Variants in GABRB1 observed in about 807,000 individuals in gnomAD.
The protein encoded by GABRB1 is gamma-aminobutyric acid receptor subunit beta-1.
Under a neutral mutation model 51.6 loss-of-function variants are expected in GABRB1, and 17 were observed. The observed-to-expected ratio is 0.33, with a 90% CI of 0.23 to 0.49. The LOEUF is 0.49. Among genes scored for constraint, GABRB1 ranks in the 20% least tolerant of loss-of-function variants. The probability of loss-of-function intolerance (pLI) is 0.99; values close to 1 mark genes in which losing one functional copy is unlikely to be tolerated. For missense variants in GABRB1, 410 were observed against 600.6 expected (o/e 0.68, Z 3.32); for synonymous variants, 247 against 218.9 (o/e 1.13, Z -1.14).
At chr4:47,223,737 T>C (rs971998381) in intron 4 of GABRB1, among the ~76,000 whole-genome samples, 2 of 152,088 alleles carry the variant, frequency 1.3e-5, no homozygotes, top group African/African-American at 2.4e-5. Context: ...ATGATTTTCC[T>C]GTTTAAAAAT....
intron 4 of GABRB1, among the ~76,000 whole-genome samples, chr4:47,238,727 T>C (rs1052869616): frequency 6.6e-6 from 1 of 152,078 alleles, no homozygotes; most frequent in Non-Finnish European, 1.5e-5. Flanking sequence ...AATACTTAAG[T>C]AAAAAAAATT....
At chr4:47,089,258 G>A (rs1728200515) in intron 3 of GABRB1, among the ~76,000 whole-genome samples, 1 of 152,122 alleles carries the variant, frequency 6.6e-6, no homozygotes. Context: ...TTACTACCGA[G>A]GGTGAGTTCA....
intron 3 of GABRB1, among the ~76,000 whole-genome samples, chr4:47,115,059 A>G (rs562021827): frequency 7.9e-5 from 12 of 152,284 alleles, no homozygotes; most frequent in Admixed American, 4.6e-4. Context: ...TTTTTCTACT[A>G]TGTAACTCTA....
intron 3 of GABRB1, among the ~76,000 whole-genome samples, chr4:47,060,801 C>A (rs1726817590): frequency 6.6e-6 from 1 of 152,102 alleles, no homozygotes; most frequent in African/African-American, 2.4e-5. Flanking sequence ...AGAAAGATGG[C>A]ACTTTAAGAT....
Position 47,202,232 on chromosome 4 carries a change from G to A in GABRB1, c.461+40763G>A, listed in dbSNP as rs563716054. On this transcript the variant is annotated intron_variant, in intron 4 of 8. Coordinates refer to ENST00000295454, the MANE Select transcript of GABRB1 (RefSeq NM_000812.4). Reference sequence around the variant, plus strand: ...CTGATGGTATTATAAGGAGCTCTTCGCCCTCTGCTCAGCGCTTCTCCATCC... The same window carrying A: ...CTGATGGTATTATAAGGAGCTCTTCACCCTCTGCTCAGCGCTTCTCCATCC... Among the ~76,000 whole-genome samples, 6 of 152,218 alleles carry A rather than the reference G, an allele frequency of 3.9e-5. No homozygotes were observed. The South Asian group carries it at 1.2e-3, about 32-fold the overall frequency.
rs189687294 is a variant in GABRB1, at chr4:47,100,793, A to T, written c.241-60456A>T. On this transcript the variant is annotated intron_variant, in intron 3 of 8. Transcript: ENST00000295454. ...ACCCGTGAGAGGTCAACTCTACCCA[A>T]ATATGAGTATCAAAGAAGGAACCAT... Among the ~76,000 whole-genome samples, 742 of 152,136 alleles carry T rather than the reference A, an allele frequency of 4.9e-3. 4 individuals are homozygous for T. Among genetic ancestry groups the T allele is most frequent in the Non-Finnish European group, 7.9e-3 (536 of 67,946 alleles).
At chr4:47,202,039 G>T (rs886997786) in intron 4 of GABRB1, among the ~76,000 whole-genome samples, 5 of 152,100 alleles carry the variant, frequency 3.3e-5, no homozygotes, top group Non-Finnish European at 5.9e-5. Flanking sequence ...CTTAAAACTA[G>T]GTTGTTGATG....
At chr4:47,399,504 C>T (rs971109601) in intron 5 of GABRB1, among the ~76,000 whole-genome samples, 16 of 151,082 alleles carry the variant, frequency 1.1e-4, no homozygotes, top group Admixed American at 6.6e-5. Flanking sequence ...AGAAAATTAC[C>T]CATTTCATCC....
At chr4:47,136,282 TG>T (rs1240681495) in intron 3 of GABRB1, among the ~76,000 whole-genome samples, 1 of 152,034 alleles carries the variant, frequency 6.6e-6, no homozygotes, top group East Asian at 1.9e-4. Context: ...ATAGCGGCCT[TG>T]AATACCACTT....
At chr4:47,230,176 C>G (rs527848226) in intron 4 of GABRB1, among the ~76,000 whole-genome samples, 1 of 151,990 alleles carries the variant, frequency 6.6e-6, no homozygotes, top group African/African-American at 2.4e-5. Flanking sequence ...AGCTTTGAGG[C>G]TAGGTAAAAG....
At chr4:47,022,769 A>G (rs1218076432) in intron 1 of GABRB1, among the ~76,000 whole-genome samples, 4 of 152,168 alleles carry the variant, frequency 2.6e-5, no homozygotes, top group Middle Eastern at 3.4e-3. Flanking sequence ...ATTGAGCTCA[A>G]TTCCTCAAAC....
chr4:47,128,180 T>C (rs1388256002), intron 3 of GABRB1, among the ~76,000 whole-genome samples: 1 of 151,820 alleles, frequency 6.6e-6, no homozygotes, highest in African/African-American at 2.4e-5. Flanking sequence ...GTTGAGGTAG[T>C]TATATCTTGG....
At chr4:47,214,447 C>T (rs1442145222) in intron 4 of GABRB1, among the ~76,000 whole-genome samples, 1 of 152,074 alleles carries the variant, frequency 6.6e-6, no homozygotes, top group Non-Finnish European at 1.5e-5. Flanking sequence ...TCTCTGTATC[C>T]TAGTCATGAT....
At chr4:47,422,303 CT>C (rs1729114510) in intron 8 of GABRB1, among the ~76,000 whole-genome samples, 1 of 152,148 alleles carries the variant, frequency 6.6e-6, no homozygotes, top group Non-Finnish European at 1.5e-5. Flanking sequence ...TCTCTTCCAG[CT>C]TCACTTGACA....
At position 47,287,930 on chromosome 4, in the gene GABRB1, G is replaced by A. The variant is rs531503992; in HGVS notation, c.462-32197G>A. On this transcript the variant is annotated intron_variant, in intron 4 of 8. Transcript: ENST00000295454. The stretch of plus-strand genomic sequence containing the variant: ...CAACCTTGTAAATGAGCTTGAGTAT[G>A]ACTCATCACTCAGTGGAGCTTTCAG... Among the ~76,000 whole-genome samples the A allele has an allele frequency of 7.9e-5, 12 of 152,300 alleles. No individual in the cohort carries two copies. The South Asian group carries it at 2.5e-3, about 32-fold the overall frequency.
At chr4:47,096,769 GA>G (rs746259844) in intron 3 of GABRB1, among the ~76,000 whole-genome samples, 2 of 152,180 alleles carry the variant, frequency 1.3e-5, no homozygotes, top group African/African-American at 2.4e-5. Context: ...TGCAAACTTT[GA>G]AGATGGTGAA....
At chr4:47,195,006 A>C (rs1719588209) in intron 4 of GABRB1, among the ~76,000 whole-genome samples, 1 of 152,170 alleles carries the variant, frequency 6.6e-6, no homozygotes, top group Non-Finnish European at 1.5e-5. Flanking sequence ...AGGATTCATT[A>C]GTTTCACAGT....
Position 47,281,004 on chromosome 4 carries a change from A to G in GABRB1, c.462-39123A>G, listed in dbSNP as rs530573764. Among the ~76,000 whole-genome samples, 307 of 152,138 alleles carry G rather than the reference A, an allele frequency of 2.0e-3. 3 individuals are homozygous for G. Among genetic ancestry groups the G allele is most frequent in the Non-Finnish European group, 1.9e-3 (127 of 67,986 alleles). ...TACTGGTTATTGTATTTTGGTTGAC[A>G]GGTATTCTTTTTTCTTTCAGCTTTT... On this transcript the variant is annotated intron_variant, in intron 4 of 8. Coordinates refer to ENST00000295454, the MANE Select transcript of GABRB1 (RefSeq NM_000812.4).
chr4:47,243,314 G>A (rs997808927), intron 4 of GABRB1, among the ~76,000 whole-genome samples: 2 of 152,186 alleles, frequency 1.3e-5, no homozygotes, highest in Non-Finnish European at 2.9e-5. Flanking sequence ...TTGAAGTCAG[G>A]TAGCGTGATG....
Sources: allele counts gnomAD v4.1 joint callset (sites outside exome capture counted in the v4.1 genomes callset), GRCh38; gene constraint gnomAD v4.1.1; transcripts MANE v1.5; gene names NCBI Gene and HGNC (gene_info 2026-07-23, HGNC 2026-07-21).